Variants in SYNE2 observed in about 807,000 individuals in gnomAD.
The protein encoded by SYNE2 is spectrin repeat containing nuclear envelope protein 2.
SYNE2 carries 431 observed loss-of-function variants against 856.3 expected under a neutral mutation model. That is an observed-to-expected ratio of 0.50 (90% CI 0.47 to 0.55). SYNE2 has a LOEUF of 0.55. Among genes scored for constraint, SYNE2 ranks in the 20% least tolerant of loss-of-function variants. The pLI, the probability that SYNE2 is intolerant of heterozygous loss-of-function variation, is 0.00. For synonymous variants in SYNE2, 2,923 were observed against 2,872.3 expected, an observed-to-expected ratio of 1.02 and a Z score of -0.56; for missense variants, 8,129 against 8,023.2, an observed-to-expected ratio of 1.01 and a Z score of -0.50.
rs373857906 is a variant in SYNE2, at chr14:64,224,452, G to C, written c.20383-9G>C. 7 of 1,605,180 alleles carry C rather than the reference G, an allele frequency of 4.4e-6. No homozygotes were observed. The highest frequency in any genetic ancestry group is 1.1e-5 in the South Asian group (1 of 90,928). Reference sequence around the variant, plus strand: ...TTTCTGTGCTCAACCTTTGGGGTCTGAATTTCAGAACCCAGCCTCACCCCT... The same window carrying C: ...TTTCTGTGCTCAACCTTTGGGGTCTCAATTTCAGAACCCAGCCTCACCCCT... On this transcript the variant is annotated splice_polypyrimidine_tract_variant and intron_variant, in intron 113 of 115. Transcript: ENST00000555002.
intron 65 of SYNE2, among the ~76,000 whole-genome samples, chr14:64,112,601 A>G (rs774563339): frequency 2.0e-5 from 3 of 152,208 alleles, no homozygotes; most frequent in African/African-American, 7.2e-5. Context: ...CAGTTATTTC[A>G]ATGTAAAAAG....
chr14:63,918,911 A>G (rs552875042), intron 2 of SYNE2, among the ~76,000 whole-genome samples: 2 of 152,360 alleles, frequency 1.3e-5, no homozygotes, highest in South Asian at 4.1e-4. Flanking sequence ...TCAGTTAAAT[A>G]GGATTTTTCA....
chr14:64,212,514 G>A (rs781303437), intron 104 of SYNE2, among the ~76,000 whole-genome samples: 13 of 152,214 alleles, frequency 8.5e-5, no homozygotes, highest in Admixed American at 1.3e-4. Context: ...TTCCCAACAA[G>A]TTTTGCCATG....
rs557878209 is a variant in SYNE2 at position 64,046,652 on chromosome 14, G to A, written c.7222-1348G>A. On this transcript the variant is annotated intron_variant, in intron 45 of 115. Coordinates refer to ENST00000555002, the MANE Select transcript of SYNE2 (RefSeq NM_182914.3). The stretch of plus-strand genomic sequence containing the variant: ...ATTACAGGCATGAGCCACTGTGCCT[G>A]GCCAATTTATCCTTAATGATACAGG... Among the ~76,000 whole-genome samples, 4 of 152,288 alleles carry A rather than the reference G, an allele frequency of 2.6e-5. No individual in the cohort carries two copies. The East Asian group carries it at 7.7e-4, about 29-fold the overall frequency.
At chr14:64,190,824 T>C (rs1320987498) in intron 99 of SYNE2, 2 of 681,598 alleles carry the variant, frequency 2.9e-6, no homozygotes, top group Non-Finnish European at 5.4e-6. Flanking sequence ...CAGTGCAATC[T>C]TATCAGAAAT....
chr14:63,762,688 A>C (rs1243906318), intron 1 of SYNE2, among the ~76,000 whole-genome samples: 1 of 150,566 alleles, frequency 6.6e-6, no homozygotes, highest in Non-Finnish European at 1.5e-5. Flanking sequence ...CACCCGCCTT[A>C]GCTCCCAAAG....
intron 78 of SYNE2, among the ~76,000 whole-genome samples, chr14:64,136,736 C>T (rs1458376373): frequency 6.6e-6 from 1 of 152,046 alleles, no homozygotes; most frequent in Admixed American, 6.6e-5. Flanking sequence ...TCTTTATATT[C>T]AGTAGAAGAC....
chr14:64,183,005 GCCA>G, intron 96 of SYNE2, among the ~76,000 whole-genome samples: 1 of 113,458 alleles, frequency 8.8e-6, no homozygotes, highest in African/African-American at 4.7e-5. Context: ...GGGGCGACTG[GCCA>G]GGCGGGGGCT....
chr14:63,936,554 G>A (rs1450168349), intron 2 of SYNE2, among the ~76,000 whole-genome samples: 2 of 152,164 alleles, frequency 1.3e-5, no homozygotes, highest in African/African-American at 4.8e-5. Context: ...AGAACAGCTG[G>A]TGCCAAAGCC....
At chr14:64,089,839 A>G (rs2097594127) in intron 59 of SYNE2, 143 bp downstream of exon 59, 3 of 650,866 alleles carry the variant, frequency 4.6e-6, no homozygotes, top group South Asian at 3.8e-5. Flanking sequence ...GGGAATAACT[A>G]TAACTGTATA....
chr14:63,946,315 C>T (rs1420612438), intron 6 of SYNE2, among the ~76,000 whole-genome samples: 1 of 151,770 alleles, frequency 6.6e-6, no homozygotes, highest in Non-Finnish European at 1.5e-5. Flanking sequence ...GTGGTCCCAG[C>T]TTCTCTGGAG....
intron 1 of SYNE2, among the ~76,000 whole-genome samples, chr14:63,775,063 A>T (rs963774385): frequency 6.6e-6 from 1 of 151,870 alleles, no homozygotes; most frequent in Non-Finnish European, 1.5e-5. Flanking sequence ...TGCAACCTCC[A>T]CCTCTTGGGT....
chr14:64,193,970 A>T (rs908568301), intron 99 of SYNE2, among the ~76,000 whole-genome samples: 1 of 152,254 alleles, frequency 6.6e-6, no homozygotes, highest in Non-Finnish European at 1.5e-5. Context: ...GAATGTGCAC[A>T]TAAGATTACT....
chr14:63,814,417 AAT>A (rs2139836484), intron 1 of SYNE2, among the ~76,000 whole-genome samples: 1 of 146,506 alleles, frequency 6.8e-6, no homozygotes, highest in African/African-American at 2.5e-5. Context: ...CCATATATAT[AAT>A]ATATATCCTT....
intron 39 of SYNE2, 142 bp downstream of exon 39, chr14:64,024,601 T>C (rs1014436672): frequency 4.9e-5 from 42 of 864,476 alleles, no homozygotes; most frequent in Non-Finnish European, 7.1e-5. Flanking sequence ...CCAGGTTTGG[T>C]GCTAGAAATA....
At chr14:64,146,461 G>GGT (rs1311289274) in intron 84 of SYNE2, among the ~76,000 whole-genome samples, 1 of 152,152 alleles carries the variant, frequency 6.6e-6, no homozygotes, top group Non-Finnish European at 1.5e-5. Context: ...GCTCTTAAGA[G>GGT]GTTTGAGTAG....
Position 64,005,346 on chromosome 14 carries a change from C to G in SYNE2, c.4398-1697C>G, listed in dbSNP as rs557748151. 6.0e-4 allele frequency among the ~76,000 whole-genome samples: 91 copies of G among 152,212 alleles called. 1 individual carries two copies. In the South Asian group the frequency reaches 0.018, roughly 31 times the overall value. Reference sequence around the variant, plus strand: ...CTGGTAGGGATGAAGCTGGCATGGACCAGTGGTAATGTGGTAGAAAGTGTT... The same window carrying G: ...CTGGTAGGGATGAAGCTGGCATGGAGCAGTGGTAATGTGGTAGAAAGTGTT... On this transcript the variant is annotated intron_variant, in intron 30 of 115. Coordinates refer to ENST00000555002, the MANE Select transcript of SYNE2 (RefSeq NM_182914.3).
At chr14:63,983,634 C>A in intron 17 of SYNE2, 103 bp from the exon 18 acceptor site, 2 of 998,004 alleles carry the variant, frequency 2.0e-6, no homozygotes, top group Admixed American at 2.1e-5. Flanking sequence ...TAGTTTAATC[C>A]TAAACATATA....
upstream of SYNE2, among the ~76,000 whole-genome samples, chr14:63,851,613 T>C (rs1247355090): frequency 1.3e-5 from 2 of 152,204 alleles, no homozygotes; most frequent in Non-Finnish European, 2.9e-5. Context: ...TAAACGTTTT[T>C]GAAACAATTG....
Sources: gnomAD v4.1 joint callset for allele counts (sites outside exome capture counted in the v4.1 genomes callset) on GRCh38, gnomAD v4.1.1 for gene constraint, MANE v1.5 for transcripts, NCBI Gene and HGNC (gene_info 2026-07-23, HGNC 2026-07-21) for gene names.